PUDP: variants seen among roughly 807,000 people sequenced by gnomAD.
PUDP encodes pseudouridine-5'-phosphatase.
PUDP carries 8 observed loss-of-function variants against 9.4 expected under a neutral mutation model. That is an observed-to-expected ratio of 0.85 (90% CI 0.50 to 1.53). The LOEUF (loss-of-function observed/expected upper bound fraction) is 1.53, where lower values mean the gene tolerates loss of function less well. Ranked by LOEUF, PUDP falls within the 40% of genes most tolerant of loss-of-function variation. The pLI, the probability that PUDP is intolerant of heterozygous loss-of-function variation, is 0.00. For synonymous variants in PUDP, 99 were observed against 80.7 expected (o/e 1.23, Z -1.22); for missense variants, 188 against 189.7 (o/e 0.99, Z 0.05).
At chrX:7,101,103 C>T (rs1424006632) in intron 2 of PUDP, among the ~76,000 whole-genome samples, 1 of 112,082 alleles carries the variant, frequency 8.9e-6, no homozygotes, top group Non-Finnish European at 1.9e-5. Flanking sequence ...CTTCTGCATG[C>T]TCTGCTCTGT....
intron 3 of PUDP, among the ~76,000 whole-genome samples, chrX:6,754,250 T>C (rs1040814384): frequency 1.8e-5 from 2 of 111,090 alleles, no homozygotes; most frequent in African/African-American, 6.6e-5. Flanking sequence ...GAGCTGATGG[T>C]TTTATAAAAG....
chrX:6,750,791 G>C (rs1214487727), intron 3 of PUDP, among the ~76,000 whole-genome samples: 1 of 111,938 alleles, frequency 8.9e-6, no homozygotes, highest in African/African-American at 3.2e-5. Context: ...GATATACAAA[G>C]ATGATCTCTG....
chrX:6,764,918 A>G (rs1925266455), intron 3 of PUDP, among the ~76,000 whole-genome samples: 1 of 111,361 alleles, frequency 9.0e-6, no homozygotes, highest in Admixed American at 9.6e-5. Context: ...CCATATACAC[A>G]ATAAAACTAG....
At chrX:7,000,029 C>T (rs12854662) in intron 1 of PUDP, among the ~76,000 whole-genome samples, 26,436 of 107,908 alleles carry the variant, frequency 0.24, 2,573 homozygotes, top group Admixed American at 0.38. Context: ...GAAGGAACAA[C>T]GGATTAAACC....
chrX:6,817,890 GTTTT>G (rs1284632170), intron 3 of PUDP, among the ~76,000 whole-genome samples: 2 of 111,221 alleles, frequency 1.8e-5, no homozygotes, highest in Non-Finnish European at 3.8e-5. Context: ...CCAAGTCCCT[GTTTT>G]TTTGTTTTAA....
chrX:6,888,280 C>A (rs1927459534), intron 3 of PUDP, among the ~76,000 whole-genome samples: 1 of 110,410 alleles, frequency 9.1e-6, no homozygotes, highest in African/African-American at 3.3e-5. Context: ...AAGAACACAG[C>A]ATTAAATCTC....
At chrX:7,052,015 C>CT (rs1490533582) in intron 3 of PUDP, among the ~76,000 whole-genome samples, 1 of 110,014 alleles carries the variant, frequency 9.1e-6, no homozygotes, top group East Asian at 2.9e-4. Context: ...TCTTTGTCTC[C>CT]TTTGTCCCTC....
intron 3 of PUDP, among the ~76,000 whole-genome samples, chrX:6,871,010 A>C (rs1190290911): frequency 2.7e-5 from 3 of 111,814 alleles, no homozygotes; most frequent in Non-Finnish European, 5.6e-5. Context: ...GCTAATTTTT[A>C]AATTTTTATA....
chrX:7,004,300 T>A (rs1033061207), intron 1 of PUDP, among the ~76,000 whole-genome samples: 1 of 111,365 alleles, frequency 9.0e-6, no homozygotes, highest in African/African-American at 3.3e-5. Flanking sequence ...TAAGCCTCAT[T>A]TTTTTTTGTT....
intron 1 of PUDP, among the ~76,000 whole-genome samples, chrX:7,139,897 G>A (rs879190598): frequency 8.9e-6 from 1 of 111,971 alleles, no homozygotes; most frequent in Admixed American, 9.4e-5. Context: ...CCTCTCATAC[G>A]CAGGCACCTT....
In PUDP at chrX:6,908,440, G is replaced by C. The variant is rs769990982; in HGVS notation, c.*247+68693C>G. On this transcript the variant is annotated intron_variant and NMD_transcript_variant, in intron 3 of 3. Coordinates refer to the PUDP transcript ENST00000655425. ...GCTCACTGAAAGTTGTAATACTCAT[G>C]CTTATGGTTTATTACAGGGAAGGGG... Among the ~76,000 whole-genome samples, 3 of 112,052 alleles carry C rather than the reference G, an allele frequency of 2.7e-5. No homozygotes were observed. In the East Asian group the frequency reaches 8.5e-4, roughly 32 times the overall value.
At chrX:6,860,468 G>GTTTT (rs1462065871) in intron 3 of PUDP, among the ~76,000 whole-genome samples, 2 of 100,447 alleles carry the variant, frequency 2.0e-5, no homozygotes, top group African/African-American at 3.6e-5. Context: ...GTGGTTTTTT[G>GTTTT]TTTTTTGTTT....
At chrX:6,915,944 C>T (rs1214161794) in intron 3 of PUDP, among the ~76,000 whole-genome samples, 1 of 110,375 alleles carries the variant, frequency 9.1e-6, no homozygotes, top group African/African-American at 3.3e-5. Flanking sequence ...GAGAAGGAAA[C>T]CGTAGCACAG....
intron 3 of PUDP, among the ~76,000 whole-genome samples, chrX:6,964,538 G>A (rs1369626035): frequency 2.7e-5 from 3 of 110,941 alleles, no homozygotes; most frequent in African/African-American, 9.9e-5. Flanking sequence ...GCTGGGCGTG[G>A]TGGCACACAA....
Position 7,120,042 on chromosome X carries a change from T to C in PUDP, c.62-14204A>G, listed in dbSNP as rs553866069. Among the ~76,000 whole-genome samples the C allele has an allele frequency of 2.0e-4, 22 of 111,400 alleles. No homozygotes were observed. The South Asian group carries it at 7.9e-3, about 40-fold the overall frequency. ...GCAAGCTACAGACTGAGGGAAAATA[T>C]TTACAATACATACATACACACATGC... On this transcript the variant is annotated intron_variant, in intron 1 of 3. Coordinates refer to ENST00000381077, the MANE Select transcript of PUDP (RefSeq NM_012080.5).
intron 3 of PUDP, among the ~76,000 whole-genome samples, chrX:6,932,518 C>T (rs1475093482): frequency 1.8e-5 from 2 of 111,688 alleles, no homozygotes; most frequent in South Asian, 3.8e-4. Flanking sequence ...GGAACAGCTC[C>T]GGTCTACAGC....
chrX:6,753,911 T>C (rs1925138674), intron 3 of PUDP, among the ~76,000 whole-genome samples: 1 of 111,994 alleles, frequency 8.9e-6, no homozygotes, highest in African/African-American at 3.2e-5. Flanking sequence ...AAGATTTTTT[T>C]CCCACTCTGT....
intron 3 of PUDP, among the ~76,000 whole-genome samples, chrX:6,916,569 C>A (rs1927938441): frequency 9.0e-6 from 1 of 111,318 alleles, no homozygotes; most frequent in Admixed American, 9.6e-5. Flanking sequence ...TACTCCTTTG[C>A]CCTTTTCTTC....
rs201195046 is a variant in PUDP, at chrX:7,050,484, A to T, written c.511-12T>A. On this transcript the variant is annotated splice_polypyrimidine_tract_variant and intron_variant, in intron 3 of 3. Transcript: ENST00000381077. ...TCAAAGACAAGGCACTGTAGGAAGA[A>T]AAAGAAAGTCGAGATGGCCTTTTAT... 72 of 1,202,859 alleles carry T rather than the reference A, an allele frequency of 6.0e-5. No individual in the cohort carries two copies. In the African/African-American group the frequency reaches 1.1e-3, roughly 18 times the overall value.
Sources: gnomAD v4.1 joint callset for allele counts (sites outside exome capture counted in the v4.1 genomes callset) on GRCh38, gnomAD v4.1.1 for gene constraint, MANE v1.5 for transcripts, NCBI Gene and HGNC (gene_info 2026-07-23, HGNC 2026-07-21) for gene names.